The following HHAT variants were observed in gnomAD, a reference collection of about 807,000 sequenced individuals.
HHAT encodes the protein protein-cysteine N-palmitoyltransferase HHAT.
HHAT carries 47 observed loss-of-function variants against 70.8 expected under a neutral mutation model. The ratio of observed to expected loss-of-function variants is 0.66; its 90% CI spans 0.53 to 0.85. The LOEUF is 0.85. HHAT is among the 40% of genes least tolerant of loss of function. HHAT has a pLI of 0.00. For missense variants in HHAT, 609 were observed against 604.8 expected (o/e 1.01, Z -0.07); for synonymous variants, 228 against 247.6 (o/e 0.92, Z 0.74).
chr1:210,530,892 A>G (rs2095307920), intron 9 of HHAT, among the ~76,000 whole-genome samples: 1 of 152,204 alleles, frequency 6.6e-6, no homozygotes, highest in Non-Finnish European at 1.5e-5. Flanking sequence ...AAAAATGCAT[A>G]TAAACAGTCA....
chr1:210,377,036 A>G (rs555648870), intron 3 of HHAT, among the ~76,000 whole-genome samples: 1 of 152,328 alleles, frequency 6.6e-6, no homozygotes, highest in South Asian at 2.1e-4. Context: ...GCTTTCTTGC[A>G]TATGTGAAGA....
intron 9 of HHAT, among the ~76,000 whole-genome samples, chr1:210,555,286 G>A (rs544344419): frequency 2.2e-4 from 33 of 152,280 alleles, no homozygotes; most frequent in African/African-American, 6.7e-4. Context: ...CTGACCCCTC[G>A]CTGTGACACC....
intron 6 of HHAT, among the ~76,000 whole-genome samples, chr1:210,412,489 C>G (rs2092591903): frequency 6.6e-6 from 1 of 152,110 alleles, no homozygotes; most frequent in Admixed American, 6.5e-5. Flanking sequence ...CTCTGTACAC[C>G]CAAATCCAAT....
rs58146322 is a variant in HHAT at position 210,673,762 on chromosome 1, A to ATTAT, written c.1391-477_1391-474dup. On this transcript the variant is annotated intron_variant, in intron 11 of 11. Coordinates refer to ENST00000261458, the MANE Select transcript of HHAT (RefSeq NM_018194.6). The stretch of plus-strand genomic sequence containing the variant: ...ACATGCCACCATGCCTGGCTTATTT[A>ATTAT]TTATTTATTTATTTATTTATTTATT... Among the ~76,000 whole-genome samples the ATTAT allele has an allele frequency of 9.4e-3, 870 of 92,068 alleles. 8 individuals carry two copies. The highest frequency in any genetic ancestry group is 0.023 in the Middle Eastern group (4 of 172). 60.4% of individuals were successfully genotyped at this position (92,068 alleles called of 152,430 possible). A position where few individuals can be genotyped will look rare whatever the true frequency, so the allele number is the denominator to read the frequency against.
chr1:210,420,123 CT>C (rs1382575444), intron 7 of HHAT, among the ~76,000 whole-genome samples: 1 of 152,220 alleles, frequency 6.6e-6, no homozygotes, highest in Non-Finnish European at 1.5e-5. Flanking sequence ...ATTACCCTCT[CT>C]GAAAAGATTA....
intron 11 of HHAT, among the ~76,000 whole-genome samples, chr1:210,637,968 GA>G (rs1474780713): frequency 6.6e-6 from 1 of 152,136 alleles, no homozygotes; most frequent in Non-Finnish European, 1.5e-5. Flanking sequence ...TAGACTTCAG[GA>G]AAATGCACAT....
At chr1:210,564,722 G>T (rs1654227900) in intron 9 of HHAT, among the ~76,000 whole-genome samples, 1 of 151,822 alleles carries the variant, frequency 6.6e-6, no homozygotes, top group South Asian at 2.1e-4. Context: ...CAATGTAATA[G>T]ATAGGACAAA....
Position 210,329,448 on chromosome 1 carries a change from C to T in HHAT, c.-44+344C>T, listed in dbSNP as rs1038072126. The stretch of plus-strand genomic sequence containing the variant: ...GGTCCTCTTGGCAGTATCGGCGGTG[C>T]GCCTGCCTGCCTGCTGTGACTCCAG... On this transcript the variant is annotated intron_variant, in intron 1 of 11. Coordinates refer to ENST00000261458, the MANE Select transcript of HHAT (RefSeq NM_018194.6). 6 of 1,063,030 alleles carry T rather than the reference C, an allele frequency of 5.6e-6. No homozygotes were observed. In the African/African-American group the frequency reaches 6.6e-5, roughly 12 times the overall value. 65.8% of individuals were successfully genotyped at this position (1,063,030 alleles called of 1,614,324 possible).
chr1:210,660,903 C>G (rs1261734651), intron 11 of HHAT, among the ~76,000 whole-genome samples: 1 of 152,148 alleles, frequency 6.6e-6, no homozygotes, highest in African/African-American at 2.4e-5. Flanking sequence ...ACACCTTATA[C>G]AAACATTAAT....
chr1:210,415,407 G>A (rs1312096186), intron 6 of HHAT, among the ~76,000 whole-genome samples: 2 of 152,200 alleles, frequency 1.3e-5, no homozygotes, highest in Non-Finnish European at 2.9e-5. Context: ...CCAGAAAGGG[G>A]TCTGCCTGGG....
At chr1:210,421,808 CTT>C (rs1558484651) in intron 7 of HHAT, among the ~76,000 whole-genome samples, 2 of 151,958 alleles carry the variant, frequency 1.3e-5, no homozygotes, top group Non-Finnish European at 2.9e-5. Flanking sequence ...GGATTTCTGT[CTT>C]TTTCTTGTGG....
intron 8 of HHAT, among the ~76,000 whole-genome samples, chr1:210,484,157 T>C (rs2094439493): frequency 1.3e-5 from 2 of 152,346 alleles, no homozygotes; most frequent in South Asian, 4.1e-4. Flanking sequence ...GCCTGATTTC[T>C]CACAGAGAAT....
chr1:210,636,969 T>C (rs994150528), intron 11 of HHAT, among the ~76,000 whole-genome samples: 1 of 152,160 alleles, frequency 6.6e-6, no homozygotes, highest in Admixed American at 6.5e-5. Context: ...ACTTTACTAG[T>C]ATGGGAACTT....
intron 7 of HHAT, among the ~76,000 whole-genome samples, chr1:210,448,206 T>C (rs966632581): frequency 6.6e-6 from 1 of 151,994 alleles, no homozygotes; most frequent in Non-Finnish European, 1.5e-5. Context: ...CTCAGCTGCC[T>C]GAGTAGCTGG....
chr1:210,349,977 T>A (rs946468404), intron 2 of HHAT, among the ~76,000 whole-genome samples: 6 of 152,166 alleles, frequency 3.9e-5, no homozygotes, highest in African/African-American at 1.4e-4. Flanking sequence ...TGCACCACCA[T>A]GCCTGGCTTT....
In HHAT at chr1:210,418,134, C is replaced by T. The variant is rs1558476805; in HGVS notation, c.685-20C>T. On this transcript the variant is annotated intron_variant, in intron 6 of 11. Transcript: ENST00000261458. ...AGGAATCAAGGCACCATCGAATGAC[C>T]TCTTTTGTTTCCACTTTAGATGCAG... The T allele has an allele frequency of 1.9e-6, 3 of 1,613,472 alleles. No homozygotes were observed. Among genetic ancestry groups the T allele is most frequent in the Non-Finnish European group, 2.5e-6 (3 of 1,179,522 alleles).
intron 3 of HHAT, among the ~76,000 whole-genome samples, chr1:210,370,744 A>G (rs953440196): frequency 1.1e-4 from 16 of 151,264 alleles, no homozygotes; most frequent in African/African-American, 3.9e-4. Flanking sequence ...CCTCCCGAGT[A>G]GCTGGGACTA....
At chr1:210,374,471 A>G (rs546204021) in intron 3 of HHAT, among the ~76,000 whole-genome samples, 24 of 152,304 alleles carry the variant, frequency 1.6e-4, no homozygotes, top group African/African-American at 5.8e-4. Flanking sequence ...TACTATGGGT[A>G]TGCAAATGAG....
intron 9 of HHAT, among the ~76,000 whole-genome samples, chr1:210,517,040 T>C (rs537851686): frequency 3.3e-5 from 5 of 152,308 alleles, no homozygotes; most frequent in Admixed American, 2.6e-4. Context: ...ATAGAAATCA[T>C]AGACAGAAGC....
Sources: allele counts gnomAD v4.1 joint callset (sites outside exome capture counted in the v4.1 genomes callset), GRCh38; gene constraint gnomAD v4.1.1; transcripts MANE v1.5; gene names NCBI Gene and HGNC (gene_info 2026-07-23, HGNC 2026-07-21).